The following EPHA5 variants were observed in gnomAD, a reference collection of about 807,000 sequenced individuals.
EPHA5 encodes the protein ephrin type-A receptor 5.
In EPHA5, 60 loss-of-function variants were observed where a neutral mutation model predicts 105.0. That is an observed-to-expected ratio of 0.57 (90% CI 0.46 to 0.71). The LOEUF is 0.71. Ranked by LOEUF, EPHA5 falls within the 30% of genes least tolerant of loss-of-function variation. The pLI is 0.00. For missense variants in EPHA5, 1,218 were observed against 1,274.7 expected (o/e 0.96, Z 0.68); for synonymous variants, 513 against 449.1 (o/e 1.14, Z -1.80).
At chr4:65,330,834 G>T in intron 16 of EPHA5, 1 of 1,032,214 alleles carries the variant, frequency 9.7e-7, no homozygotes, top group Non-Finnish European at 1.2e-6. Flanking sequence ...TGATCTGGTG[G>T]ACCGTGAGAA....
rs187331337 is a variant in EPHA5, at chr4:65,333,805, C to T, written c.2790-1677G>A. Among the ~76,000 whole-genome samples, 4 of 151,438 alleles carry T rather than the reference C, an allele frequency of 2.6e-5. No individual in the cohort carries two copies. The Admixed American group carries it at 2.6e-4, about 10-fold the overall frequency. On this transcript the variant is annotated intron_variant, in intron 15 of 16. Coordinates refer to ENST00000613740, the MANE Select transcript of EPHA5 (RefSeq NM_001281766.3). The stretch of plus-strand genomic sequence containing the variant: ...TCTATATCCATATGCCTATTTTGTA[C>T]CTCCATATTTCTCAGAGAAATACGG...
intron 15 of EPHA5, among the ~76,000 whole-genome samples, chr4:65,332,601 T>C (rs1453578432): frequency 7.5e-6 from 1 of 132,708 alleles, no homozygotes; most frequent in Non-Finnish European, 1.6e-5. Flanking sequence ...TGGCGGTTGA[T>C]GCTGGTAATG....
intron 2 of EPHA5, among the ~76,000 whole-genome samples, chr4:65,628,885 T>A (rs1466960848): frequency 2.0e-5 from 3 of 152,174 alleles, no homozygotes; most frequent in South Asian, 4.1e-4. Flanking sequence ...CTCTTAAATT[T>A]TTTTTTCTAA....
rs1167569611 is a variant in EPHA5 at position 65,506,577 on chromosome 4, G to A, written c.911-11034C>T. Among the ~76,000 whole-genome samples, 3 of 145,508 alleles carry A rather than the reference G, an allele frequency of 2.1e-5. 1 individual carries two copies. Among genetic ancestry groups the A allele is most frequent in the Non-Finnish European group, 4.6e-5 (3 of 65,890 alleles). On this transcript the variant is annotated intron_variant, in intron 3 of 16. Transcript: ENST00000613740. ...TGAGATGGTATCTCATTGTGGTTTT[G>A]ATTTGCATTTCTCTGATGGCCAGTG...
chr4:65,641,692 G>A (rs1156348838), intron 2 of EPHA5, among the ~76,000 whole-genome samples: 1 of 151,808 alleles, frequency 6.6e-6, no homozygotes, highest in Non-Finnish European at 1.5e-5. Flanking sequence ...CATTCATTAA[G>A]CCCCTCTAAA....
intron 3 of EPHA5, among the ~76,000 whole-genome samples, chr4:65,594,823 T>C (rs772221622): frequency 6.6e-6 from 1 of 152,182 alleles, no homozygotes; most frequent in African/African-American, 2.4e-5. Flanking sequence ...ACACCACTTA[T>C]AAATAAACTG....
At chr4:65,497,894 A>G (rs1475793515) in intron 3 of EPHA5, among the ~76,000 whole-genome samples, 3 of 151,996 alleles carry the variant, frequency 2.0e-5, no homozygotes, top group South Asian at 4.1e-4. Flanking sequence ...AACTGGCTTC[A>G]GAGGTAAATG....
chr4:65,372,243 A>G (rs560674120), intron 8 of EPHA5, among the ~76,000 whole-genome samples: 138 of 152,028 alleles, frequency 9.1e-4, no homozygotes, highest in Middle Eastern at 3.4e-3. Context: ...TCACTTCGGG[A>G]TTTTCTCCAA....
intron 13 of EPHA5, among the ~76,000 whole-genome samples, chr4:65,348,697 TAAAATA>T (rs1399437974): frequency 8.2e-5 from 2 of 24,434 alleles, no homozygotes; most frequent in African/African-American, 2.3e-4. Flanking sequence ...TATATATATA[TAAAATA>T]TATATGTGTG....
At chr4:65,641,427 G>A (rs1747657423) in intron 2 of EPHA5, among the ~76,000 whole-genome samples, 2 of 151,604 alleles carry the variant, frequency 1.3e-5, no homozygotes, top group South Asian at 4.2e-4. Context: ...AAAAATTGGA[G>A]TTCATTACTC....
chr4:65,502,431 A>T (rs985365477), intron 3 of EPHA5, among the ~76,000 whole-genome samples: 2 of 151,832 alleles, frequency 1.3e-5, no homozygotes, highest in Non-Finnish European at 2.9e-5. Flanking sequence ...TAGCCCCATT[A>T]AAAAGCAGGC....
intron 6 of EPHA5, among the ~76,000 whole-genome samples, chr4:65,417,378 C>T (rs1723489318): frequency 6.6e-6 from 1 of 152,130 alleles, no homozygotes; most frequent in Non-Finnish European, 1.5e-5. Context: ...AACTCATAAT[C>T]CATTTTTTTT....
At chr4:65,366,799 G>A (rs1717951431) in intron 9 of EPHA5, among the ~76,000 whole-genome samples, 1 of 151,722 alleles carries the variant, frequency 6.6e-6, no homozygotes, top group South Asian at 2.1e-4. Flanking sequence ...CACCATTTAA[G>A]GAAAAATAAT....
Position 65,531,336 on chromosome 4 carries a change from C to CT in EPHA5, c.911-35794dup, listed in dbSNP as rs531175637. 4.3e-4 allele frequency among the ~76,000 whole-genome samples: 66 copies of CT among 152,100 alleles called. 1 individual carries two copies. Among genetic ancestry groups the CT allele is most frequent in the South Asian group, 2.1e-3 (10 of 4,818 alleles). On this transcript the variant is annotated intron_variant, in intron 3 of 16. Transcript: ENST00000613740. Reference sequence around the variant, plus strand: ...ACAGGCGTGAGCCACCGCGCCCGGCCTTTTTTTTCATTTTTACCCTTTCCT... The same window carrying CT: ...ACAGGCGTGAGCCACCGCGCCCGGCCTTTTTTTTTCATTTTTACCCTTTCCT...
Position 65,424,562 on chromosome 4 carries a change from G to A in EPHA5, c.1403-3997C>T, listed in dbSNP as rs544384943. ...AATAAATACTATTTGTAATAATATC[G>A]GTTGTAAAATATTAGAAAATTGTTT... is the stretch of plus-strand genomic sequence containing the variant. On this transcript the variant is annotated intron_variant, in intron 5 of 16. Coordinates refer to ENST00000613740, the MANE Select transcript of EPHA5 (RefSeq NM_001281766.3). 1.1e-4 allele frequency among the ~76,000 whole-genome samples: 16 copies of A among 152,058 alleles called. 1 individual carries two copies. In the South Asian group the frequency reaches 2.1e-3, roughly 20 times the overall value.
At chr4:65,568,266 A>G (rs1739765363) in intron 3 of EPHA5, among the ~76,000 whole-genome samples, 1 of 151,504 alleles carries the variant, frequency 6.6e-6, no homozygotes, top group Admixed American at 6.6e-5. Context: ...TAATTGTTGA[A>G]GGATAATTAA....
intron 3 of EPHA5, among the ~76,000 whole-genome samples, chr4:65,505,525 G>A (rs969510116): frequency 6.6e-6 from 1 of 152,012 alleles, no homozygotes; most frequent in Admixed American, 6.6e-5. Context: ...AAGTGATAAA[G>A]CTTCTAGCAC....
At chr4:65,547,181 T>C (rs1160447173) in intron 3 of EPHA5, among the ~76,000 whole-genome samples, 3 of 151,756 alleles carry the variant, frequency 2.0e-5, no homozygotes, top group South Asian at 4.2e-4. Flanking sequence ...AGTAAACAGA[T>C]GGCAATGACA....
At chr4:65,493,282 C>T (rs1428239562) in intron 4 of EPHA5, among the ~76,000 whole-genome samples, 2 of 152,106 alleles carry the variant, frequency 1.3e-5, no homozygotes, top group Non-Finnish European at 2.9e-5. Flanking sequence ...AACTGTGAGA[C>T]TAACCTTTAA....
Sources: allele counts gnomAD v4.1 joint callset (sites outside exome capture counted in the v4.1 genomes callset), GRCh38; gene constraint gnomAD v4.1.1; transcripts MANE v1.5; gene names NCBI Gene and HGNC (gene_info 2026-07-23, HGNC 2026-07-21).